Variants in KCNIP4 observed in about 807,000 individuals in gnomAD.
The protein encoded by KCNIP4 is potassium voltage-gated channel interacting protein 4, also known as Kv channel-interacting protein 4.
In KCNIP4, 12 loss-of-function variants were observed where a neutral mutation model predicts 34.0. That is an observed-to-expected ratio of 0.35 (90% CI 0.23 to 0.57). The LOEUF (loss-of-function observed/expected upper bound fraction) is 0.57, where lower values mean the gene tolerates loss of function less well. Ranked by LOEUF, KCNIP4 falls within the 20% of genes least tolerant of loss-of-function variation. The probability of loss-of-function intolerance (pLI) is 0.83; values close to 1 mark genes in which losing one functional copy is unlikely to be tolerated. For missense variants in KCNIP4, 238 were observed against 311.7 expected, an observed-to-expected ratio of 0.76 and a Z score of 1.78; for synonymous variants, 124 against 102.2, an observed-to-expected ratio of 1.21 and a Z score of -1.29.
chr4:20,761,116 C>T (rs1475441191), intron 3 of KCNIP4, among the ~76,000 whole-genome samples: 2 of 152,110 alleles, frequency 1.3e-5, no homozygotes, highest in Non-Finnish European at 2.9e-5. Flanking sequence ...CGGACCTTCC[C>T]AGAGAAAGAG....
chr4:21,666,017 A>G (rs966319549), intron 1 of KCNIP4, among the ~76,000 whole-genome samples: 18 of 152,208 alleles, frequency 1.2e-4, no homozygotes, highest in Non-Finnish European at 7.3e-5. Context: ...TCAGTGATTA[A>G]AGCCAATTTA....
chr4:20,830,850 T>C (rs1182461418), intron 3 of KCNIP4, among the ~76,000 whole-genome samples: 6 of 152,156 alleles, frequency 3.9e-5, no homozygotes, highest in Admixed American at 3.9e-4. Context: ...TGATTTGCTA[T>C]ATGGTACGGA....
In KCNIP4 at chr4:21,371,212, G is replaced by T. The variant is rs1720419313; in HGVS notation, c.62-488503C>A. Among the ~76,000 whole-genome samples the T allele has an allele frequency of 1.4e-5, 2 of 145,708 alleles. 1 individual carries two copies. The highest frequency in any genetic ancestry group is 5.6e-5 in the African/African-American group (2 of 35,754). On this transcript the variant is annotated intron_variant, in intron 1 of 8. Transcript: ENST00000382152. ...CTTTAAGGGTTTTAGGTACAGGAAT[G>T]AAATATTCCAATAAGTTTCACCAGG...
intron 5 of KCNIP4, among the ~76,000 whole-genome samples, chr4:20,735,573 A>T (rs1484433941): frequency 2.3e-5 from 3 of 129,922 alleles, no homozygotes; most frequent in African/African-American, 8.9e-5. Context: ...ACTGTTGCCC[A>T]GGCTGGAGTG....
chr4:20,824,506 C>A (rs1717485480), intron 3 of KCNIP4, among the ~76,000 whole-genome samples: 1 of 151,990 alleles, frequency 6.6e-6, no homozygotes, highest in Admixed American at 6.6e-5. Context: ...ATGGTGAAAC[C>A]CCATCTCTAC....
At chr4:21,704,442 A>C (rs181167242) in intron 1 of KCNIP4, among the ~76,000 whole-genome samples, 1 of 152,280 alleles carries the variant, frequency 6.6e-6, no homozygotes, top group East Asian at 1.9e-4. Context: ...AGTGAAAGTG[A>C]AATATGCAAA....
chr4:20,882,840 G>T, intron 1 of KCNIP4, 131 bp from the exon 2 acceptor site: 1 of 576,038 alleles, frequency 1.7e-6, no homozygotes, highest in South Asian at 2.6e-5. Context: ...CACAGGCAGT[G>T]GGTTGGGACC....
intron 1 of KCNIP4, among the ~76,000 whole-genome samples, chr4:21,892,056 A>T (rs10023378): frequency 0.31 from 47,727 of 151,960 alleles, 7,860 homozygotes; most frequent in African/African-American, 0.42. Context: ...CATCCCTAAT[A>T]GAAATACGTA....
Position 21,663,485 on chromosome 4 carries a change from T to C in KCNIP4, c.61+285086A>G, listed in dbSNP as rs1452388800. ...GCTCCCTGGCTGCTCAGAGCCTAGCTGTGACTAAGCCAAGGCTACTCTACT... is the reference window on the plus strand; with the variant it reads ...GCTCCCTGGCTGCTCAGAGCCTAGCCGTGACTAAGCCAAGGCTACTCTACT... On this transcript the variant is annotated intron_variant, in intron 1 of 8. Coordinates refer to ENST00000382152, the MANE Select transcript of KCNIP4 (RefSeq NM_025221.6). 2.6e-5 allele frequency among the ~76,000 whole-genome samples: 4 copies of C among 152,136 alleles called. No homozygotes were observed. In the East Asian group the frequency reaches 7.7e-4, roughly 29 times the overall value.
chr4:21,703,944 C>G (rs1713066431), intron 1 of KCNIP4, among the ~76,000 whole-genome samples: 1 of 152,120 alleles, frequency 6.6e-6, no homozygotes, highest in Non-Finnish European at 1.5e-5. Context: ...CTGCAGTTCT[C>G]AAGTTTGTGA....
chr4:21,520,467 C>T (rs140464143), intron 1 of KCNIP4, among the ~76,000 whole-genome samples: 40 of 152,230 alleles, frequency 2.6e-4, no homozygotes, highest in Non-Finnish European at 5.0e-4. Flanking sequence ...GGGATTTGAA[C>T]CCAGGTGACC....
chr4:21,198,393 T>C (rs1317260548), intron 1 of KCNIP4, among the ~76,000 whole-genome samples: 1 of 152,138 alleles, frequency 6.6e-6, no homozygotes, highest in Non-Finnish European at 1.5e-5. Context: ...ATTTGGAAAA[T>C]GATCAGGGTG....
chr4:20,927,319 A>G (rs987664115), intron 1 of KCNIP4, among the ~76,000 whole-genome samples: 3 of 152,140 alleles, frequency 2.0e-5, no homozygotes, highest in African/African-American at 7.2e-5. Context: ...GTGTTATTTT[A>G]GGAATGTGGC....
chr4:21,225,852 G>A (rs1223711775), intron 1 of KCNIP4, among the ~76,000 whole-genome samples: 2 of 152,084 alleles, frequency 1.3e-5, no homozygotes, highest in East Asian at 1.9e-4. Flanking sequence ...ACTTGCCAAC[G>A]GCTTAATGCC....
intron 3 of KCNIP4, among the ~76,000 whole-genome samples, chr4:20,786,469 C>T (rs1245416440): frequency 6.6e-6 from 1 of 152,064 alleles, no homozygotes; most frequent in Non-Finnish European, 1.5e-5. Context: ...GCCAAAGAGG[C>T]AAGTTATTTT....
At chr4:20,778,154 C>A (rs1452523771) in intron 3 of KCNIP4, among the ~76,000 whole-genome samples, 2 of 152,158 alleles carry the variant, frequency 1.3e-5, no homozygotes, top group Non-Finnish European at 2.9e-5. Flanking sequence ...GTGTTAGTAG[C>A]ATAGACTCTG....
At chr4:20,987,116 G>A (rs571215175) in intron 1 of KCNIP4, among the ~76,000 whole-genome samples, 6 of 152,248 alleles carry the variant, frequency 3.9e-5, no homozygotes, top group Admixed American at 2.0e-4. Flanking sequence ...TTTATCTAGC[G>A]CCACTCTTGG....
At chr4:21,940,568 G>A (rs978555371) in intron 1 of KCNIP4, among the ~76,000 whole-genome samples, 2 of 152,002 alleles carry the variant, frequency 1.3e-5, no homozygotes, top group Non-Finnish European at 2.9e-5. Flanking sequence ...TGTCTCAGTC[G>A]TCCCAATACT....
chr4:21,427,694 G>A (rs1372007769), intron 1 of KCNIP4, among the ~76,000 whole-genome samples: 1 of 152,144 alleles, frequency 6.6e-6, no homozygotes, highest in East Asian at 1.9e-4. Context: ...TCAGAAAGAT[G>A]AATACAGTAG....
Sources: gnomAD v4.1 joint callset for allele counts (sites outside exome capture counted in the v4.1 genomes callset) on GRCh38, gnomAD v4.1.1 for gene constraint, MANE v1.5 for transcripts, NCBI Gene and HGNC (gene_info 2026-07-23, HGNC 2026-07-21) for gene names.